STAT4: variants seen among roughly 807,000 people sequenced by gnomAD.
STAT4 encodes signal transducer and activator of transcription 4.
Under a neutral mutation model 110.5 loss-of-function variants are expected in STAT4, and 42 were observed. The observed-to-expected ratio is 0.38, with a 90% CI of 0.30 to 0.49. STAT4 has a LOEUF of 0.49. Ranked by LOEUF, STAT4 falls within the 20% of genes least tolerant of loss-of-function variation. The pLI is 0.95. For missense variants in STAT4, 632 were observed against 887.9 expected, an observed-to-expected ratio of 0.71 and a Z score of 3.66; for synonymous variants, 284 against 302.2, an observed-to-expected ratio of 0.94 and a Z score of 0.63.
At chr2:191,100,418 G>A (rs908271363) in intron 3 of STAT4, among the ~76,000 whole-genome samples, 1 of 152,172 alleles carries the variant, frequency 6.6e-6, no homozygotes, top group South Asian at 2.1e-4. Flanking sequence ...TCCTGGATTT[G>A]ACTTGCAGGT....
rs1382398376 is a variant in STAT4, at chr2:191,142,214, T to C, written c.273+4399A>G. Among the ~76,000 whole-genome samples the C allele has an allele frequency of 1.3e-5, 2 of 148,566 alleles. No individual in the cohort carries two copies. The highest frequency in any genetic ancestry group is 5.2e-5 in the African/African-American group (2 of 38,436). ...GAATGGATAAAGAAAATAAAGAAAATAGATATATATATATACACACACACA... is the reference window on the plus strand; with the variant it reads ...GAATGGATAAAGAAAATAAAGAAAACAGATATATATATATACACACACACA... On this transcript the variant is annotated intron_variant, in intron 3 of 23. Transcript: ENST00000392320. The surrounding 1 kb of genome is among the most constrained non-coding windows in gnomAD (Gnocchi z 4.1).
At chr2:191,105,917 G>A (rs950862668) in intron 3 of STAT4, among the ~76,000 whole-genome samples, 5 of 152,272 alleles carry the variant, frequency 3.3e-5, no homozygotes, top group Admixed American at 2.0e-4. Flanking sequence ...GTTCTGTAGC[G>A]TGTTGGCATC....
chr2:191,129,104 C>T (rs1452318298), intron 3 of STAT4, among the ~76,000 whole-genome samples: 1 of 151,780 alleles, frequency 6.6e-6, no homozygotes, highest in East Asian at 1.9e-4. Context: ...TAAATATTTG[C>T]TGACTAAATA....
At chr2:191,124,119 C>T (rs148656212) in intron 3 of STAT4, among the ~76,000 whole-genome samples, 109 of 152,166 alleles carry the variant, frequency 7.2e-4, no homozygotes, top group African/African-American at 2.6e-3. Context: ...TGCAATAAGG[C>T]AATATTCATA....
rs1405177668 is a variant in STAT4, at chr2:191,078,162, C to G, written c.274-1837G>C. ...TCTGCTATTCATGTAAACTTGAAAA[C>G]TCTTGCCATCCAAGATTAGGATCCT... is the stretch of plus-strand genomic sequence containing the variant. On this transcript the variant is annotated intron_variant, in intron 3 of 23. Transcript: ENST00000392320. Among the ~76,000 whole-genome samples, 3 of 152,074 alleles carry G rather than the reference C, an allele frequency of 2.0e-5. No homozygotes were observed. The East Asian group carries it at 5.8e-4, about 29-fold the overall frequency.
chr2:191,103,099 T>C (rs1354000353), intron 3 of STAT4, among the ~76,000 whole-genome samples: 1 of 152,186 alleles, frequency 6.6e-6, no homozygotes, highest in East Asian at 1.9e-4. Context: ...CTCCTTTTAG[T>C]TTTCTGCTCC....
intron 3 of STAT4, among the ~76,000 whole-genome samples, chr2:191,129,167 A>G (rs1698962669): frequency 3.9e-5 from 6 of 152,252 alleles, no homozygotes; most frequent in South Asian, 4.1e-4. Context: ...AAAACACAGA[A>G]AGTGTAAAAA....
rs184466052 is a variant in STAT4, at chr2:191,031,826, A to C, written c.2045-310T>G. Among the ~76,000 whole-genome samples the C allele has an allele frequency of 1.3e-5, 2 of 152,340 alleles. No homozygotes were observed. The highest frequency in any genetic ancestry group is 2.9e-5 in the Non-Finnish European group (2 of 68,028). On this transcript the variant is annotated intron_variant, in intron 21 of 23. Transcript: ENST00000392320. This position sits in a 1 kb window ranked among gnomAD's most constrained non-coding sequence, Gnocchi z 4.8. The stretch of plus-strand genomic sequence containing the variant: ...GTTTTCTACGTTTCATTTATGTTTG[A>C]TTATAAGGACTGATTGAGTCATGTT...
rs749606053 is a variant in STAT4, at chr2:191,140,435, G to A, written c.273+6178C>T. Among the ~76,000 whole-genome samples, 2 of 152,112 alleles carry A rather than the reference G, an allele frequency of 1.3e-5. No individual in the cohort carries two copies. Among genetic ancestry groups the A allele is most frequent in the Non-Finnish European group, 2.9e-5 (2 of 68,004 alleles). ...ATAATCCCATCAAAAAGCGGGCAAA[G>A]GACTTGAATACACAATTCTCAAAAG... is the stretch of plus-strand genomic sequence containing the variant. On this transcript the variant is annotated intron_variant, in intron 3 of 23. Transcript: ENST00000392320. The surrounding 1 kb of genome is among the most constrained non-coding windows in gnomAD (Gnocchi z 4.4).
rs1474910953 is a variant in STAT4 at position 191,046,780 on chromosome 2, T to G, written c.1252-5632A>C. Among the ~76,000 whole-genome samples the G allele has an allele frequency of 6.6e-6, 1 of 152,224 alleles. No individual in the cohort carries two copies. Among genetic ancestry groups the G allele is most frequent in the East Asian group, 1.9e-4 (1 of 5,200 alleles). ...CAGGTGAGTCTTCTGTTCTAAAAAT[T>G]TGGTCTTTGATCCTGGTTCCTGACA... On this transcript the variant is annotated intron_variant, in intron 14 of 23. Transcript: ENST00000392320. The surrounding 1 kb of genome is among the most constrained non-coding windows in gnomAD (Gnocchi z 4.6).
At position 191,058,719 on chromosome 2, in the gene STAT4, G is replaced by T; in HGVS notation, c.1085C>A (p.Ser362Ter). 6.3e-7 allele frequency: 1 copy of T among 1,585,270 alleles called. No individual in the cohort carries two copies. Among genetic ancestry groups the T allele is most frequent in the Non-Finnish European group, 8.6e-7 (1 of 1,165,126 alleles). Reference sequence around the variant, plus strand: ...AAATTAGAAAACTTACTTGTCAATTGATGCCTTAACCTTTACCTGATAGTT... The same window carrying T: ...AAATTAGAAAACTTACTTGTCAATTTATGCCTTAACCTTTACCTGATAGTT... ...ELNYQVKVKA[S>*]IDKNVSTLSN... The change falls in exon 11 of 24, where the codon TCA becomes TAA. Residue 362 changes from serine (S) to a stop codon, truncating the protein, a stop_gained. Transcript: ENST00000392320. LOFTEE classifies it high-confidence loss of function. The surrounding 1 kb of genome is among the most constrained non-coding windows in gnomAD (Gnocchi z 4.3).
chr2:191,137,097 C>T (rs1355246193), intron 3 of STAT4, among the ~76,000 whole-genome samples: 2 of 152,144 alleles, frequency 1.3e-5, no homozygotes, highest in African/African-American at 2.4e-5. Context: ...AATCCCAGGA[C>T]TTTGGGAGGC....
At chr2:191,038,159 T>C (rs1441130330) in intron 16 of STAT4, among the ~76,000 whole-genome samples, 1 of 152,180 alleles carries the variant, frequency 6.6e-6, no homozygotes, top group Non-Finnish European at 1.5e-5. Context: ...TGAACATGTG[T>C]AGATCTAATG....
chr2:191,123,903 T>C (rs10931482), intron 3 of STAT4, among the ~76,000 whole-genome samples: 92,606 of 152,064 alleles, frequency 0.61, 28,973 homozygotes, highest in South Asian at 0.78. Context: ...ATTGCTTTTG[T>C]ACCATCATAA....
intron 3 of STAT4, among the ~76,000 whole-genome samples, chr2:191,120,947 T>C (rs1204493746): frequency 2.0e-5 from 3 of 152,170 alleles, no homozygotes; most frequent in African/African-American, 7.2e-5. Context: ...AAAGAGCTTC[T>C]GCACAGCAAA....
intron 3 of STAT4, among the ~76,000 whole-genome samples, chr2:191,089,188 A>C (rs1697721480): frequency 6.6e-6 from 1 of 152,100 alleles, no homozygotes; most frequent in Non-Finnish European, 1.5e-5. Context: ...ATAATGAATT[A>C]TTATCTAAAA....
At chr2:191,055,267 C>T (rs183374568) in intron 13 of STAT4, among the ~76,000 whole-genome samples, 34 of 151,350 alleles carry the variant, frequency 2.2e-4, no homozygotes, top group South Asian at 8.3e-4. Flanking sequence ...GGCACAATCT[C>T]GGCTCACTGC....
rs1372898144 is a variant in STAT4 at position 191,035,617 on chromosome 2, T to C, written c.1570+547A>G. 1.3e-5 allele frequency among the ~76,000 whole-genome samples: 2 copies of C among 152,270 alleles called. No individual in the cohort carries two copies. The highest frequency in any genetic ancestry group is 2.9e-5 in the Non-Finnish European group (2 of 68,042). On this transcript the variant is annotated intron_variant, in intron 17 of 23. Transcript: ENST00000392320. This position sits in a 1 kb window ranked among gnomAD's most constrained non-coding sequence, Gnocchi z 4.7. ...GTACCAGTGACTCTATTTTGCAAAC[T>C]TTAGAAATCTCAGTCAAAGCTGAAA...
At chr2:191,123,185 T>C (rs1698784549) in intron 3 of STAT4, among the ~76,000 whole-genome samples, 1 of 152,156 alleles carries the variant, frequency 6.6e-6, no homozygotes, top group Non-Finnish European at 1.5e-5. Context: ...ACTTTGTCAT[T>C]GTACTGTGTT....
Sources: allele counts gnomAD v4.1 joint callset (sites outside exome capture counted in the v4.1 genomes callset), GRCh38; gene constraint gnomAD v4.1.1; non-coding constraint Gnocchi (gnomAD v3.1); transcripts MANE v1.5; gene names NCBI Gene and HGNC (gene_info 2026-07-23, HGNC 2026-07-21).